The following MTUS2 variants were observed in gnomAD, a reference collection of about 807,000 sequenced individuals.
MTUS2 encodes microtubule associated scaffold protein 2, also known as microtubule-associated tumor suppressor candidate 2.
MTUS2 carries 40 observed loss-of-function variants against 114.1 expected under a neutral mutation model. The ratio of observed to expected loss-of-function variants is 0.35; its 90% CI spans 0.27 to 0.46. The LOEUF is 0.46. MTUS2 is among the 20% of genes least tolerant of loss of function. MTUS2 has a pLI of 1.00. For missense variants in MTUS2, 1,679 were observed against 1,705.4 expected, an observed-to-expected ratio of 0.98 and a Z score of 0.27; for synonymous variants, 688 against 672.0, an observed-to-expected ratio of 1.02 and a Z score of -0.37.
At chr13:29,090,116 A>G (rs1330540119) in intron 4 of MTUS2, among the ~76,000 whole-genome samples, 1 of 151,824 alleles carries the variant, frequency 6.6e-6, no homozygotes, top group African/African-American at 2.4e-5. Context: ...TTTTGCTTTT[A>G]TGTTCTTTGA....
chr13:29,103,292 C>G (rs1890502794), intron 5 of MTUS2, among the ~76,000 whole-genome samples: 1 of 152,134 alleles, frequency 6.6e-6, no homozygotes. Context: ...TGTACTTGCA[C>G]AAACCTAGAT....
rs192892971 is a variant in MTUS2 at position 29,338,314 on chromosome 13, C to A, written c.2905+13603C>A. 4.6e-3 allele frequency among the ~76,000 whole-genome samples: 701 copies of A among 152,008 alleles called. 6 individuals carry two copies. Among genetic ancestry groups the A allele is most frequent in the African/African-American group, 0.016 (655 of 41,480 alleles). On this transcript the variant is annotated intron_variant, in intron 7 of 15. Transcript: ENST00000612955. ...TCTAAAAAATATTTGCAGCCAGAGGCGGTGGCTCACACCTGTAATCCCAGC... is the reference window on the plus strand; with the variant it reads ...TCTAAAAAATATTTGCAGCCAGAGGAGGTGGCTCACACCTGTAATCCCAGC...
chr13:29,247,023 G>A (rs1896951470), intron 5 of MTUS2, among the ~76,000 whole-genome samples: 2 of 152,228 alleles, frequency 1.3e-5, no homozygotes, highest in African/African-American at 4.8e-5. Context: ...TATACTGTAA[G>A]GATATATTCA....
intron 7 of MTUS2, among the ~76,000 whole-genome samples, chr13:29,326,396 G>A (rs988309095): frequency 6.6e-5 from 10 of 152,124 alleles, no homozygotes; most frequent in Admixed American, 1.3e-4. Context: ...ATATTCTAGA[G>A]AAAGAGTAAA....
At chr13:29,092,281 TTG>T (rs1453997130) in intron 4 of MTUS2, among the ~76,000 whole-genome samples, 2 of 152,208 alleles carry the variant, frequency 1.3e-5, no homozygotes, top group African/African-American at 2.4e-5. Context: ...TCTTCCCTAA[TTG>T]TTTTTTTACA....
At chr13:29,224,649 G>C (rs752574941) in intron 5 of MTUS2, among the ~76,000 whole-genome samples, 1 of 152,032 alleles carries the variant, frequency 6.6e-6, no homozygotes, top group African/African-American at 2.4e-5. Context: ...ATCTTCATCA[G>C]TCTGGTCCAT....
chr13:28,955,959 T>C (rs676990), intron 2 of MTUS2, among the ~76,000 whole-genome samples: 132,620 of 151,282 alleles, frequency 0.88, 58,338 homozygotes, highest in East Asian at 1. Flanking sequence ...TATTTGGTTA[T>C]GTGAGTGAGT....
intron 5 of MTUS2, 80 bp downstream of exon 5, chr13:29,101,050 G>C: frequency 7.3e-7 from 1 of 1,375,490 alleles, no homozygotes; most frequent in Non-Finnish European, 9.7e-7. Context: ...CATTTTCTTT[G>C]CATGATTATT....
chr13:29,428,448 G>A (rs57196619), intron 8 of MTUS2, among the ~76,000 whole-genome samples: 2,452 of 152,348 alleles, frequency 0.016, 65 homozygotes, highest in African/African-American at 0.055. Context: ...AGGGCTGGGA[G>A]CGGCCGCGCA....
chr13:29,003,673 G>A (rs1885478781), intron 2 of MTUS2, among the ~76,000 whole-genome samples: 1 of 152,152 alleles, frequency 6.6e-6, no homozygotes, highest in Non-Finnish European at 1.5e-5. Context: ...TCCTTAGCAT[G>A]ATATTTTTGG....
chr13:29,450,014 G>A (rs972153528), intron 9 of MTUS2, among the ~76,000 whole-genome samples: 1 of 152,208 alleles, frequency 6.6e-6, no homozygotes, highest in Non-Finnish European at 1.5e-5. Context: ...ATGACCGCAA[G>A]GTGGAGGACC....
chr13:29,170,808 G>C (rs1893524693), intron 5 of MTUS2, among the ~76,000 whole-genome samples: 1 of 152,182 alleles, frequency 6.6e-6, no homozygotes, highest in Non-Finnish European at 1.5e-5. Context: ...TTCCCATAAA[G>C]TGTGTGTCTC....
chr13:29,487,887 G>A lies in MTUS2; in HGVS notation c.3400-13G>A, dbSNP rs9550470. 1,084 of 1,603,848 alleles carry A rather than the reference G, an allele frequency of 6.8e-4. 16 individuals carry two copies. The East Asian group carries it at 0.018, about 26-fold the overall frequency. Reference sequence around the variant, plus strand: ...AGCTCTCTGTCTAACCAGTAACTGCGACTCTCCTCCAGGTGGAAGATCTCA... The same window carrying A: ...AGCTCTCTGTCTAACCAGTAACTGCAACTCTCCTCCAGGTGGAAGATCTCA... On this transcript the variant is annotated splice_polypyrimidine_tract_variant and intron_variant, in intron 10 of 15. Transcript: ENST00000612955.
intron 5 of MTUS2, among the ~76,000 whole-genome samples, chr13:29,134,554 T>G (rs1256172427): frequency 6.6e-6 from 1 of 152,216 alleles, no homozygotes; most frequent in Non-Finnish European, 1.5e-5. Context: ...TATTAGATGT[T>G]TAAATGTTTA....
intron 2 of MTUS2, among the ~76,000 whole-genome samples, chr13:28,944,369 A>G (rs1000214535): frequency 6.6e-6 from 1 of 151,968 alleles, no homozygotes; most frequent in East Asian, 1.9e-4. Flanking sequence ...TTTTTTCTAC[A>G]CTTTTATTTT....
chr13:29,331,700 A>G (rs1900787118), intron 7 of MTUS2, among the ~76,000 whole-genome samples: 2 of 152,234 alleles, frequency 1.3e-5, no homozygotes, highest in South Asian at 4.1e-4. Context: ...TGGGTTTATC[A>G]TAAATAGCTC....
At chr13:28,895,757 A>G (rs376585878) in intron 2 of MTUS2, among the ~76,000 whole-genome samples, 1 of 152,216 alleles carries the variant, frequency 6.6e-6, no homozygotes, top group Non-Finnish European at 1.5e-5. Context: ...TATGGTAGCC[A>G]CTAGCACCAG....
chr13:29,122,076 G>A (rs1184612930), intron 5 of MTUS2, among the ~76,000 whole-genome samples: 1 of 152,138 alleles, frequency 6.6e-6, no homozygotes, highest in African/African-American at 2.4e-5. Flanking sequence ...TATACTTGTT[G>A]TATAACTAAA....
At chr13:28,996,654 C>G (rs974567544) in intron 2 of MTUS2, among the ~76,000 whole-genome samples, 16 of 152,100 alleles carry the variant, frequency 1.1e-4, no homozygotes, top group African/African-American at 3.4e-4. Flanking sequence ...GGAATTTATC[C>G]ATTTCTTCTA....
Sources: gnomAD v4.1 joint callset for allele counts (sites outside exome capture counted in the v4.1 genomes callset) on GRCh38, gnomAD v4.1.1 for gene constraint, MANE v1.5 for transcripts, NCBI Gene and HGNC (gene_info 2026-07-23, HGNC 2026-07-21) for gene names.